Variants in RIMOC1 observed in about 807,000 individuals in gnomAD.
The protein encoded by RIMOC1 is RAB7A interacting MON1-CCZ1 complex subunit 1, also known as RAB7A-interacting MON1-CCZ1 complex subunit 1.
the RIMOC1 span, chr5:41,912,113 T>C: frequency 5.6e-6 from 9 of 1,612,206 alleles, no homozygotes; most frequent in Non-Finnish European, 7.6e-6. Flanking sequence ...TGCTAAATTA[T>C]CGATGTCCTA....
chr5:41,912,904 C>T, the RIMOC1 span, among the ~76,000 whole-genome samples: 4 of 152,314 alleles, frequency 2.6e-5, no homozygotes, highest in South Asian at 2.1e-4. Flanking sequence ...AGTGATCTTT[C>T]GCACAGTAAA....
At chr5:41,908,627 C>T in the RIMOC1 span, among the ~76,000 whole-genome samples, 1 of 152,134 alleles carries the variant, frequency 6.6e-6, no homozygotes, top group Admixed American at 6.5e-5. Context: ...CTAACAGCTA[C>T]TCACAAACCA....
chr5:41,920,732 A>G, the RIMOC1 span: 1 of 152,196 alleles, frequency 6.6e-6, no homozygotes, highest in African/African-American at 2.4e-5. Context: ...TATTCCGCAC[A>G]TTGATAAAGT....
At chr5:41,914,920 C>T in the RIMOC1 span, among the ~76,000 whole-genome samples, 2 of 152,162 alleles carry the variant, frequency 1.3e-5, no homozygotes, top group Non-Finnish European at 2.9e-5. Context: ...ATATAAAATA[C>T]AATTCTGAGT....
chr5:41,910,933 G>T, the RIMOC1 span: 1 of 1,196,936 alleles, frequency 8.4e-7, no homozygotes. Flanking sequence ...GCTAAACAAA[G>T]GGAACATTTT....
the RIMOC1 span, chr5:41,918,075 G>T: frequency 1.0e-6 from 1 of 985,016 alleles, no homozygotes. Context: ...AATAATAGGG[G>T]TGAGTGTTAA....
At chr5:41,914,055 G>A in the RIMOC1 span, among the ~76,000 whole-genome samples, 1 of 152,172 alleles carries the variant, frequency 6.6e-6, no homozygotes, top group African/African-American at 2.4e-5. Flanking sequence ...AGGCACTACA[G>A]CTCATTTAGA....
chr5:41,913,836 A>T, the RIMOC1 span, among the ~76,000 whole-genome samples: 6 of 152,206 alleles, frequency 3.9e-5, no homozygotes, highest in African/African-American at 1.4e-4. Flanking sequence ...TTGTGAATAC[A>T]AAAAGCTCCC....
chr5:41,905,495 C>A, the RIMOC1 span, among the ~76,000 whole-genome samples: 4 of 152,222 alleles, frequency 2.6e-5, no homozygotes, highest in African/African-American at 9.6e-5. Context: ...GTCCTGAACT[C>A]CTGGGCTCAA....
the RIMOC1 span, chr5:41,918,232 C>T: frequency 1.5e-5 from 15 of 985,730 alleles, no homozygotes; most frequent in African/African-American, 5.2e-5. Flanking sequence ...AGCTTACTCC[C>T]GTGGCCGCAC....
At chr5:41,914,531 A>G in the RIMOC1 span, among the ~76,000 whole-genome samples, 8 of 151,904 alleles carry the variant, frequency 5.3e-5, no homozygotes, top group African/African-American at 9.7e-5. Flanking sequence ...TAGGAGGCCA[A>G]GGCAGGATGA....
the RIMOC1 span, among the ~76,000 whole-genome samples, chr5:41,906,961 T>G: frequency 1.3e-5 from 2 of 152,116 alleles, no homozygotes; most frequent in African/African-American, 2.4e-5. Flanking sequence ...GTATCTAAAT[T>G]TGACTTCATG....
the RIMOC1 span, chr5:41,916,299 A>C: frequency 1.6e-6 from 1 of 609,182 alleles, no homozygotes; most frequent in Non-Finnish European, 2.1e-6. Context: ...GATCTTTTTT[A>C]TTCTAGGTTT....
At chr5:41,910,023 A>G in the RIMOC1 span, 3 of 723,662 alleles carry the variant, frequency 4.1e-6, no homozygotes, top group African/African-American at 5.6e-5. Context: ...AGGGAGATAA[A>G]AGAGCTTAAC....
At chr5:41,913,171 G>A in the RIMOC1 span, among the ~76,000 whole-genome samples, 1 of 152,174 alleles carries the variant, frequency 6.6e-6, no homozygotes, top group Non-Finnish European at 1.5e-5. Flanking sequence ...TTTCAGCCAA[G>A]TCTGTTCCTT....
chr5:41,910,881 A>G, the RIMOC1 span, among the ~76,000 whole-genome samples: 1 of 152,176 alleles, frequency 6.6e-6, no homozygotes, highest in African/African-American at 2.4e-5. Flanking sequence ...ATAGAATTGC[A>G]TATTTATAAT....
the RIMOC1 span, among the ~76,000 whole-genome samples, chr5:41,912,905 G>A: frequency 4.8e-3 from 736 of 152,236 alleles, 3 homozygotes; most frequent in African/African-American, 0.013. Context: ...GTGATCTTTC[G>A]CACAGTAAAG....
chr5:41,913,735 A>G, the RIMOC1 span, among the ~76,000 whole-genome samples: 1 of 152,192 alleles, frequency 6.6e-6, no homozygotes, highest in Non-Finnish European at 1.5e-5. Context: ...AAAGCATTTC[A>G]TAGAAAAAAA....
At chr5:41,917,678 T>C in the RIMOC1 span, 2 of 969,188 alleles carry the variant, frequency 2.1e-6, no homozygotes, top group African/African-American at 1.8e-5. Flanking sequence ...TCTCACTACC[T>C]TGAAGTTTGC....
Sources: allele counts gnomAD v4.1 joint callset (sites outside exome capture counted in the v4.1 genomes callset), GRCh38; gene constraint gnomAD v4.1.1; transcripts MANE v1.5; gene names NCBI Gene and HGNC (gene_info 2026-07-23, HGNC 2026-07-21).